ABR: variants seen among roughly 807,000 people sequenced by gnomAD.
ABR encodes the protein active breakpoint cluster region-related protein.
In ABR, 35 loss-of-function variants were observed where a neutral mutation model predicts 107.2. That is an observed-to-expected ratio of 0.33 (90% CI 0.25 to 0.43). The LOEUF (loss-of-function observed/expected upper bound fraction) is 0.43. Among genes scored for constraint, ABR ranks in the 20% least tolerant of loss-of-function variants. The pLI, the probability that ABR is intolerant of heterozygous loss-of-function variation, is 1.00. For missense variants in ABR, 815 were observed against 1,115.2 expected (o/e 0.73, Z 3.83); for synonymous variants, 498 against 462.0 (o/e 1.08, Z -1.00).
At chr17:1,174,239 T>G (rs1430536334) in intron 1 of ABR, among the ~76,000 whole-genome samples, 1 of 152,242 alleles carries the variant, frequency 6.6e-6, no homozygotes, top group African/African-American at 2.4e-5. Context: ...TTAATTCTTC[T>G]GCCAGCCCCA....
intron 22 of ABR, among the ~76,000 whole-genome samples, chr17:1,006,742 C>T (rs531235745): frequency 4.5e-4 from 68 of 152,132 alleles, no homozygotes; most frequent in African/African-American, 1.4e-3. Context: ...TCTCACCCTC[C>T]GCCAGCCACG....
At chr17:1,018,252 C>T (rs537584351) in intron 16 of ABR, among the ~76,000 whole-genome samples, 1 of 151,808 alleles carries the variant, frequency 6.6e-6, no homozygotes, top group East Asian at 2.0e-4. Context: ...CCGTGTTAGC[C>T]AGGATGGTCT....
At chr17:1,132,481 C>A (rs965923922) in intron 1 of ABR, among the ~76,000 whole-genome samples, 1 of 149,692 alleles carries the variant, frequency 6.7e-6, no homozygotes, top group African/African-American at 2.5e-5. Flanking sequence ...CAGGTTCAAG[C>A]GATTCTCCCG....
At chr17:1,008,013 G>A (rs929520898) in intron 21 of ABR, among the ~76,000 whole-genome samples, 13 of 152,162 alleles carry the variant, frequency 8.5e-5, no homozygotes, top group East Asian at 1.9e-4. Flanking sequence ...GGTCGGCCTC[G>A]TGGGACCCAG....
chr17:1,082,584 C>T (rs1245107581), intron 5 of ABR, among the ~76,000 whole-genome samples: 1 of 151,954 alleles, frequency 6.6e-6, no homozygotes, highest in African/African-American at 2.4e-5. Flanking sequence ...TCTAAGGCTC[C>T]TTCTCCACAT....
Position 1,069,993 on chromosome 17 carries a change from G to A in ABR, c.992C>T (p.Ala331Val), listed in dbSNP as rs1350209470. 1.2e-6 allele frequency: 2 copies of A among 1,612,430 alleles called. No homozygotes were observed. Among genetic ancestry groups the A allele is most frequent in the African/African-American group, 1.3e-5 (1 of 74,478 alleles). ...CCCTGCAGAGGTCTTCTTCAGCTTG[G>A]CACACAGTAGGACATCTGTAAAGAG... ...VFLFTDVLLC[A>V]KLKKTSAGKH... is the part of the protein sequence containing the mutation. Residue 331 changes from alanine to valine, a missense_variant, in exon 9 of 23, where the codon GCC (alanine) becomes GTC (valine). This residue lies in a region of ABR where 385 missense variants were observed against 596.9 expected (regional missense o/e 0.64). Transcript: ENST00000302538.
chr17:1,161,416 A>T (rs954919674), intron 1 of ABR, among the ~76,000 whole-genome samples: 1 of 86,838 alleles, frequency 1.2e-5, no homozygotes, highest in African/African-American at 5.4e-5. Context: ...TAATTTTTTA[A>T]AATTTTTTTT....
chr17:1,119,591 G>C (rs9747624), intron 2 of ABR, among the ~76,000 whole-genome samples: 64,571 of 93,580 alleles, frequency 0.69, 23,763 homozygotes, highest in East Asian at 0.89. Flanking sequence ...GAACTACTTG[G>C]TTCCATTCCA....
intron 1 of ABR, among the ~76,000 whole-genome samples, chr17:1,172,077 G>A (rs1276444818): frequency 6.6e-6 from 1 of 152,226 alleles, no homozygotes; most frequent in African/African-American, 2.4e-5. Flanking sequence ...TTTCGGTCTA[G>A]TGTGTGTGGG....
rs2035892605 is a variant in ABR, at chr17:1,078,202, C to T, written c.700+1128G>A. On this transcript the variant is annotated intron_variant, in intron 6 of 22. Transcript: ENST00000302538. This position sits in a 1 kb window ranked among gnomAD's most constrained non-coding sequence, Gnocchi z 7.5. Reference sequence around the variant, plus strand: ...CGACCTGCCTTCCACAGTTGAGGGCCCAGACCTCGGCTGGGGGTCTCTCAC... The same window carrying T: ...CGACCTGCCTTCCACAGTTGAGGGCTCAGACCTCGGCTGGGGGTCTCTCAC... Among the ~76,000 whole-genome samples the T allele has an allele frequency of 6.6e-6, 1 of 152,062 alleles. No individual in the cohort carries two copies. The highest frequency in any genetic ancestry group is 2.4e-5 in the African/African-American group (1 of 41,392).
At chr17:1,076,882 G>A (rs1382892037) in intron 6 of ABR, among the ~76,000 whole-genome samples, 1 of 152,140 alleles carries the variant, frequency 6.6e-6, no homozygotes, top group Non-Finnish European at 1.5e-5. Flanking sequence ...CCCTGTCCCT[G>A]GGCTCCTGCA....
At chr17:1,166,449 T>G (rs917073362) in intron 1 of ABR, among the ~76,000 whole-genome samples, 2 of 151,532 alleles carry the variant, frequency 1.3e-5, no homozygotes, top group Non-Finnish European at 2.9e-5. Flanking sequence ...AATGGGCGAG[T>G]GTTGTATCCT....
intron 1 of ABR, among the ~76,000 whole-genome samples, chr17:1,137,664 A>G (rs1200421931): frequency 6.6e-6 from 1 of 152,366 alleles, no homozygotes; most frequent in South Asian, 2.1e-4. Flanking sequence ...ACCAACACGT[A>G]ACACAGAGAG....
rs181052437 is a variant in ABR, at chr17:1,101,879, T to A, written c.247-1144A>T. Among the ~76,000 whole-genome samples, 70 of 151,810 alleles carry A rather than the reference T, an allele frequency of 4.6e-4. 1 individual carries two copies. Among genetic ancestry groups the A allele is most frequent in the African/African-American group, 1.2e-3 (51 of 41,380 alleles). On this transcript the variant is annotated intron_variant, in intron 2 of 22. Coordinates refer to ENST00000302538, the MANE Select transcript of ABR (RefSeq NM_021962.5). ...CTCCCGAGTAGCTGGGACTACAGGC[T>A]CCCGCCACCACGCCCAGCTAACTTT...
chr17:1,098,251 C>CT (rs1038215698), intron 3 of ABR, among the ~76,000 whole-genome samples: 1 of 151,492 alleles, frequency 6.6e-6, no homozygotes, highest in African/African-American at 2.4e-5. Flanking sequence ...TTTTTTTGTA[C>CT]TTTTTTAGTA....
At chr17:1,168,714 C>T (rs762368265) in intron 1 of ABR, among the ~76,000 whole-genome samples, 1 of 152,192 alleles carries the variant, frequency 6.6e-6, no homozygotes, top group African/African-American at 2.4e-5. Context: ...GGCAGGCACC[C>T]ACAACAAGGG....
rs778206267 is a variant in ABR, at chr17:1,071,409, G to A, written c.894+1205C>T. ...ACACCCTGTCAGCCTCACTCGTAAC[G>A]GCCGCCTAATGGCCTCCCCTGGACA... On this transcript the variant is annotated intron_variant, in intron 8 of 22. Coordinates refer to ENST00000302538, the MANE Select transcript of ABR (RefSeq NM_021962.5). This position sits in a 1 kb window ranked among gnomAD's most constrained non-coding sequence, Gnocchi z 5.1. Among the ~76,000 whole-genome samples, 7 of 152,220 alleles carry A rather than the reference G, an allele frequency of 4.6e-5. No individual in the cohort carries two copies. The highest frequency in any genetic ancestry group is 3.9e-4 in the East Asian group (2 of 5,162).
chr17:1,096,672 C>T (rs1182672611), intron 3 of ABR, among the ~76,000 whole-genome samples: 1 of 151,716 alleles, frequency 6.6e-6, no homozygotes, highest in Admixed American at 6.6e-5. Flanking sequence ...GAGGAGAGAG[C>T]TGGGGGAAGG....
At chr17:1,219,037 G>GT (rs1555623298) in intron 1 of ABR, among the ~76,000 whole-genome samples, 1 of 142,902 alleles carries the variant, frequency 7.0e-6, no homozygotes, top group African/African-American at 2.6e-5. Context: ...TTTTCTATCT[G>GT]TTTGTTTGTT....
Sources: gnomAD v4.1 joint callset for allele counts (sites outside exome capture counted in the v4.1 genomes callset) on GRCh38, gnomAD v4.1.1 for gene constraint, gnomAD v4.1.1 regional missense constraint, Gnocchi (gnomAD v3.1) non-coding constraint, MANE v1.5 for transcripts, NCBI Gene and HGNC (gene_info 2026-07-23, HGNC 2026-07-21) for gene names.